The following NDST4 variants were observed in gnomAD, a reference collection of about 807,000 sequenced individuals.
NDST4 encodes N-deacetylase and N-sulfotransferase 4, also known as N-heparan sulfate sulfotransferase 4.
Under a neutral mutation model 100.8 loss-of-function variants are expected in NDST4, and 63 were observed. The observed-to-expected ratio is 0.62, with a 90% CI of 0.51 to 0.77. NDST4 has a LOEUF of 0.77. Among genes scored for constraint, NDST4 ranks in the 30% least tolerant of loss-of-function variants. The pLI is 0.00. For synonymous variants in NDST4, 377 were observed against 361.8 expected (o/e 1.04, Z -0.48); for missense variants, 943 against 1,018.4 (o/e 0.93, Z 1.01).
intron 4 of NDST4, among the ~76,000 whole-genome samples, chr4:114,949,226 A>T (rs1425254036): frequency 6.6e-6 from 1 of 151,924 alleles, no homozygotes; most frequent in Admixed American, 6.6e-5. Flanking sequence ...GTATTAAAAT[A>T]TTAAATTTTA....
intron 2 of NDST4, among the ~76,000 whole-genome samples, chr4:115,018,035 C>G (rs1016403005): frequency 4.6e-5 from 7 of 151,820 alleles, no homozygotes; most frequent in Admixed American, 2.0e-4. Flanking sequence ...TGTGATTGAA[C>G]CACAACAAAC....
At chr4:114,954,801 A>G (rs1273163023) in intron 4 of NDST4, among the ~76,000 whole-genome samples, 1 of 152,188 alleles carries the variant, frequency 6.6e-6, no homozygotes, top group East Asian at 1.9e-4. Flanking sequence ...TGAGATCACA[A>G]TTCTCATGAA....
intron 4 of NDST4, among the ~76,000 whole-genome samples, chr4:114,969,092 A>G (rs1325808068): frequency 6.6e-6 from 1 of 152,146 alleles, no homozygotes; most frequent in African/African-American, 2.4e-5. Context: ...TTTTTAAACT[A>G]TTATTTAAAA....
chr4:115,093,924 A>T (rs1283659849), intron 1 of NDST4, among the ~76,000 whole-genome samples: 1 of 152,098 alleles, frequency 6.6e-6, no homozygotes, highest in Non-Finnish European at 1.5e-5. Context: ...AACAATAAAG[A>T]TGAGCAGAAC....
At chr4:114,918,027 T>A (rs1725210443) in intron 6 of NDST4, among the ~76,000 whole-genome samples, 1 of 152,154 alleles carries the variant, frequency 6.6e-6, no homozygotes, top group African/African-American at 2.4e-5. Flanking sequence ...ATCACAGGAA[T>A]TTTGCAGATT....
chr4:115,109,609 CA>C (rs1359405551), intron 1 of NDST4, among the ~76,000 whole-genome samples: 1 of 151,886 alleles, frequency 6.6e-6, no homozygotes, highest in Non-Finnish European at 1.5e-5. Context: ...TTTCTGAGTA[CA>C]ATATCAAATT....
intron 2 of NDST4, among the ~76,000 whole-genome samples, chr4:115,047,794 C>T (rs1728496697): frequency 6.6e-6 from 1 of 151,946 alleles, no homozygotes; most frequent in African/African-American, 2.4e-5. Flanking sequence ...TATCTATGTA[C>T]CTATATCCTT....
rs75541861 is a variant in NDST4, at chr4:114,941,396, A to G, written c.1222-3893T>C. Among the ~76,000 whole-genome samples the G allele has an allele frequency of 3.8e-4, 57 of 151,996 alleles. No homozygotes were observed. In the East Asian group the frequency reaches 8.4e-3, roughly 22 times the overall value. ...CTTACAAAAGGGGTTTGATTTTAAT[A>G]TGCATGTTTCTGAACTGGATCTCCT... On this transcript the variant is annotated intron_variant, in intron 4 of 13. Transcript: ENST00000264363.
At chr4:114,980,369 T>C (rs909899612) in intron 2 of NDST4, among the ~76,000 whole-genome samples, 14 of 152,260 alleles carry the variant, frequency 9.2e-5, no homozygotes, top group East Asian at 1.9e-4. Context: ...TGGCTGGGCA[T>C]GATGGCTCAT....
At chr4:115,029,081 TAGTC>T (rs1411785530) in intron 2 of NDST4, among the ~76,000 whole-genome samples, 4 of 152,028 alleles carry the variant, frequency 2.6e-5, no homozygotes, top group Non-Finnish European at 4.4e-5. Context: ...TCAAGAAACT[TAGTC>T]AGGGTGCAGC....
At chr4:114,869,944 G>A (rs1175628991) in intron 7 of NDST4, among the ~76,000 whole-genome samples, 3 of 152,146 alleles carry the variant, frequency 2.0e-5, no homozygotes, top group African/African-American at 7.2e-5. Context: ...CAGAGGGAGA[G>A]AGGATGACAA....
chr4:115,088,851 A>G (rs183350673), intron 1 of NDST4, among the ~76,000 whole-genome samples: 9 of 152,202 alleles, frequency 5.9e-5, no homozygotes, highest in Non-Finnish European at 4.4e-5. Flanking sequence ...TTCAGCTTGG[A>G]TAAAACTACC....
chr4:115,028,884 C>T lies in NDST4; in HGVS notation c.978+47175G>A, dbSNP rs12507001. On this transcript the variant is annotated intron_variant, in intron 2 of 13. Coordinates refer to ENST00000264363, the MANE Select transcript of NDST4 (RefSeq NM_022569.3). ...GATAACTAGAGGCAAATTTAATAAA[C>T]GGATGATTTACAAAAGTGATGGCAG... 4.3e-3 allele frequency among the ~76,000 whole-genome samples: 648 copies of T among 152,018 alleles called. 6 individuals are homozygous for T. The highest frequency in any genetic ancestry group is 0.01 in the Admixed American group (159 of 15,252).
chr4:115,040,708 C>G (rs1488414961), intron 2 of NDST4, among the ~76,000 whole-genome samples: 1 of 151,942 alleles, frequency 6.6e-6, no homozygotes, highest in Non-Finnish European at 1.5e-5. Context: ...TAGCTAAAAC[C>G]AGACCTAGGC....
At chr4:114,854,312 C>A (rs1240365908) in intron 7 of NDST4, among the ~76,000 whole-genome samples, 1 of 152,194 alleles carries the variant, frequency 6.6e-6, no homozygotes, top group Non-Finnish European at 1.5e-5. Context: ...AAATCTCATT[C>A]TTTTTCATGG....
chr4:114,949,599 A>T (rs1380841159), intron 4 of NDST4, among the ~76,000 whole-genome samples: 1 of 151,958 alleles, frequency 6.6e-6, no homozygotes, highest in East Asian at 1.9e-4. Flanking sequence ...AGCCAATGGG[A>T]CCATACAGCA....
chr4:114,832,396 T>C (rs957298036), intron 12 of NDST4, among the ~76,000 whole-genome samples: 5 of 152,238 alleles, frequency 3.3e-5, no homozygotes, highest in Non-Finnish European at 5.9e-5. Context: ...TACATAATTG[T>C]GCTTGTTAGA....
intron 12 of NDST4, among the ~76,000 whole-genome samples, chr4:114,832,105 T>G (rs1723212012): frequency 6.6e-6 from 1 of 152,234 alleles, no homozygotes; most frequent in Middle Eastern, 3.2e-3. Flanking sequence ...CAACTATTTT[T>G]CATAAACAGG....
At chr4:115,087,060 T>C (rs1290055225) in intron 1 of NDST4, among the ~76,000 whole-genome samples, 2 of 152,000 alleles carry the variant, frequency 1.3e-5, no homozygotes, top group African/African-American at 4.8e-5. Context: ...ATGCCCAGAA[T>C]GTGTGGACCA....
Sources: gnomAD v4.1 joint callset for allele counts (sites outside exome capture counted in the v4.1 genomes callset) on GRCh38, gnomAD v4.1.1 for gene constraint, MANE v1.5 for transcripts, NCBI Gene and HGNC (gene_info 2026-07-23, HGNC 2026-07-21) for gene names.